The following RIC1 variants were observed in gnomAD, a reference collection of about 807,000 sequenced individuals.
The protein encoded by RIC1 is RIC1 partner of RAB6A GEF complex.
Under a neutral mutation model 169.0 loss-of-function variants are expected in RIC1, and 88 were observed. The observed-to-expected ratio is 0.52, with a 90% CI of 0.44 to 0.62. The LOEUF (loss-of-function observed/expected upper bound fraction) is 0.62, where lower values mean the gene tolerates loss of function less well. Ranked by LOEUF, RIC1 falls within the 20% of genes least tolerant of loss-of-function variation. The pLI is 0.00. For missense variants in RIC1, 1,877 were observed against 1,725.5 expected, an observed-to-expected ratio of 1.09 and a Z score of -1.56; for synonymous variants, 790 against 601.5, an observed-to-expected ratio of 1.31 and a Z score of -4.59.
chr9:5,753,391 GAT>G (rs1466026737), intron 13 of RIC1, 143 bp from the exon 14 acceptor site: 3 of 823,262 alleles, frequency 3.6e-6, no homozygotes, highest in Non-Finnish European at 5.9e-6. Context: ...AATTTTGTCA[GAT>G]ATAACTGAAT....
At chr9:5,657,655 C>T (rs1441167071) in intron 2 of RIC1, among the ~76,000 whole-genome samples, 1 of 152,014 alleles carries the variant, frequency 6.6e-6, no homozygotes, top group Admixed American at 6.6e-5. Context: ...CTTTCTAGTC[C>T]ATACTGTATA....
intron 1 of RIC1, among the ~76,000 whole-genome samples, chr9:5,652,137 G>A (rs1818839614): frequency 6.6e-6 from 1 of 152,178 alleles, no homozygotes; most frequent in Admixed American, 6.5e-5. Flanking sequence ...TTGAAGTCAG[G>A]TAGTGTAATT....
At chr9:5,744,976 G>A (rs542872266) in intron 10 of RIC1, among the ~76,000 whole-genome samples, 2 of 152,098 alleles carry the variant, frequency 1.3e-5, no homozygotes, top group African/African-American at 2.4e-5. Flanking sequence ...AATTAAAACC[G>A]CCATGGTTGC....
chr9:5,711,513 G>A (rs1822923779), intron 3 of RIC1, among the ~76,000 whole-genome samples: 1 of 151,728 alleles, frequency 6.6e-6, no homozygotes, highest in South Asian at 2.1e-4. Flanking sequence ...TTAGGAGTTG[G>A]TCTGTTCAAA....
At chr9:5,762,121 C>T (rs1233096168) in intron 17 of RIC1, among the ~76,000 whole-genome samples, 1 of 152,170 alleles carries the variant, frequency 6.6e-6, no homozygotes, top group Non-Finnish European at 1.5e-5. Flanking sequence ...CCAATAGTTC[C>T]ATGTCTTCGT....
intron 17 of RIC1, among the ~76,000 whole-genome samples, chr9:5,761,820 C>T (rs1010844352): frequency 3.3e-5 from 5 of 152,132 alleles, no homozygotes; most frequent in Non-Finnish European, 5.9e-5. Flanking sequence ...TGATAGGGCT[C>T]AATTGGAAAT....
At chr9:5,754,558 G>A (rs959144628) in intron 14 of RIC1, among the ~76,000 whole-genome samples, 2 of 151,980 alleles carry the variant, frequency 1.3e-5, no homozygotes, top group Non-Finnish European at 2.9e-5. Context: ...ACGAAACCCC[G>A]TCCCTACAAA....
chr9:5,633,527 G>A (rs946082549), intron 1 of RIC1, among the ~76,000 whole-genome samples: 8 of 151,898 alleles, frequency 5.3e-5, no homozygotes, highest in South Asian at 2.1e-4. Context: ...TTTACCTACC[G>A]TAACCATAAG....
At chr9:5,680,404 T>G (rs529716078) in intron 2 of RIC1, among the ~76,000 whole-genome samples, 90 of 152,324 alleles carry the variant, frequency 5.9e-4, no homozygotes, top group Middle Eastern at 3.4e-3. Context: ...TGGAATAGTT[T>G]CAGAAGGAAT....
chr9:5,636,381 G>A (rs915187451), intron 1 of RIC1, among the ~76,000 whole-genome samples: 1 of 152,062 alleles, frequency 6.6e-6, no homozygotes, highest in Non-Finnish European at 1.5e-5. Context: ...GTGCAATGGA[G>A]CGATCTCAAC....
At chr9:5,671,084 C>A (rs1820063469) in intron 2 of RIC1, among the ~76,000 whole-genome samples, 1 of 152,014 alleles carries the variant, frequency 6.6e-6, no homozygotes, top group African/African-American at 2.4e-5. Flanking sequence ...GGGGAAGTTG[C>A]AAATCTTGTG....
intron 2 of RIC1, among the ~76,000 whole-genome samples, chr9:5,670,734 G>T (rs1023699329): frequency 1.8e-4 from 27 of 152,278 alleles, no homozygotes; most frequent in African/African-American, 6.3e-4. Context: ...TCAAGACAGA[G>T]GAATTGCAAT....
intron 3 of RIC1, among the ~76,000 whole-genome samples, chr9:5,693,307 A>G (rs1036512757): frequency 6.6e-6 from 1 of 152,132 alleles, no homozygotes. Context: ...ACAGCATCTT[A>G]ACCTCAGACT....
In RIC1 at chr9:5,727,586, C is replaced by G. The variant is rs10975264; in HGVS notation, c.721-4802C>G. ...CCATCGAGCTTTGTTCCATTGCTGG[C>G]AAGGAGCTGCGTTCCTTTGGAGGTG... On this transcript the variant is annotated intron_variant, in intron 6 of 25. Coordinates refer to ENST00000414202, the MANE Select transcript of RIC1 (RefSeq NM_020829.4). 8.2e-3 allele frequency among the ~76,000 whole-genome samples: 1,245 copies of G among 152,296 alleles called. 13 individuals carry two copies. Among genetic ancestry groups the G allele is most frequent in the East Asian group, 0.05 (259 of 5,184 alleles).
intron 2 of RIC1, among the ~76,000 whole-genome samples, chr9:5,676,116 T>C (rs1820425455): frequency 6.6e-6 from 1 of 152,174 alleles, no homozygotes; most frequent in South Asian, 2.1e-4. Flanking sequence ...GAGGTCTTGC[T>C]GTGTTGCCCA....
rs1366782248 is a variant in RIC1 at position 5,775,145 on chromosome 9, T to A, written c.*899T>A. On this transcript the variant is annotated 3_prime_UTR_variant, in exon 26 of 26. Coordinates refer to ENST00000414202, the MANE Select transcript of RIC1 (RefSeq NM_020829.4). ...CTTGGTCATGAAGTAACAGAAATGG[T>A]CACACTGATCATGAAATGCAGCAAG... The A allele has an allele frequency of 6.6e-6, 1 of 152,206 alleles. No individual in the cohort carries two copies. The highest frequency in any genetic ancestry group is 1.9e-4 in the East Asian group (1 of 5,200). 9.4% of individuals were successfully genotyped at this position (152,206 alleles called of 1,614,324 possible). A position where few individuals can be genotyped will look rare whatever the true frequency, so the allele number is the denominator to read the frequency against.
At chr9:5,654,965 C>G (rs372223164) in intron 1 of RIC1, among the ~76,000 whole-genome samples, 3 of 152,240 alleles carry the variant, frequency 2.0e-5, no homozygotes, top group East Asian at 3.9e-4. Context: ...GTTACTTATT[C>G]TAGGAGGATT....
intron 2 of RIC1, among the ~76,000 whole-genome samples, chr9:5,674,820 C>G (rs1459146512): frequency 6.6e-6 from 1 of 152,186 alleles, no homozygotes; most frequent in Admixed American, 6.5e-5. Context: ...TGGAGAAAGG[C>G]ACAGATCACA....
chr9:5,732,516 G>A (rs768025291), intron 7 of RIC1, 37 bp downstream of exon 7: 1 of 1,419,938 alleles, frequency 7.0e-7, no homozygotes, highest in Non-Finnish European at 9.6e-7. Flanking sequence ...TTTAAGAGTT[G>A]TTGCAAAAAA....
Sources: gnomAD v4.1 joint callset for allele counts (sites outside exome capture counted in the v4.1 genomes callset) on GRCh38, gnomAD v4.1.1 for gene constraint, MANE v1.5 for transcripts, NCBI Gene and HGNC (gene_info 2026-07-23, HGNC 2026-07-21) for gene names.